Variants in CSMD3 observed in about 807,000 individuals in gnomAD.
CSMD3 encodes CUB and Sushi multiple domains 3.
CSMD3 carries 177 observed loss-of-function variants against 435.2 expected under a neutral mutation model. The ratio of observed to expected loss-of-function variants is 0.41; its 90% CI spans 0.36 to 0.46. The LOEUF is 0.46. CSMD3 is among the 20% of genes least tolerant of loss of function. CSMD3 has a pLI of 0.34. For missense variants in CSMD3, 4,265 were observed against 4,504.6 expected, an observed-to-expected ratio of 0.95 and a Z score of 1.52; for synonymous variants, 1,656 against 1,520.5, an observed-to-expected ratio of 1.09 and a Z score of -2.07.
At chr8:113,021,197 C>A (rs527850147) in intron 5 of CSMD3, among the ~76,000 whole-genome samples, 40 of 151,862 alleles carry the variant, frequency 2.6e-4, no homozygotes, top group African/African-American at 9.2e-4. Context: ...ACTTTTTTTC[C>A]AATCTGAATT....
At chr8:113,175,154 C>T (rs1333952723) in intron 3 of CSMD3, among the ~76,000 whole-genome samples, 2 of 151,556 alleles carry the variant, frequency 1.3e-5, no homozygotes, top group Non-Finnish European at 3.0e-5. Flanking sequence ...TATTAAAATA[C>T]AAAATGGTTC....
intron 1 of CSMD3, among the ~76,000 whole-genome samples, chr8:113,324,663 T>C (rs1329625278): frequency 6.6e-6 from 1 of 151,570 alleles, no homozygotes; most frequent in African/African-American, 2.4e-5. Flanking sequence ...GGTGTCGGAG[T>C]CCCCACACAG....
rs142526825 is a variant in CSMD3 at position 112,651,009 on chromosome 8, T to C, written c.3005-660A>G. On this transcript the variant is annotated intron_variant, in intron 18 of 70. Coordinates refer to ENST00000297405, the MANE Select transcript of CSMD3 (RefSeq NM_198123.2). ...TTCTGTGTTGTGGGTGTCCTGTGCA[T>C]TGGAGTACTTTTAGAAACATTCCTG... Among the ~76,000 whole-genome samples, 286 of 152,288 alleles carry C rather than the reference T, an allele frequency of 1.9e-3. 1 individual carries two copies. Among genetic ancestry groups the C allele is most frequent in the African/African-American group, 6.8e-3 (282 of 41,572 alleles).
At chr8:113,341,623 T>A (rs945827463) in intron 1 of CSMD3, among the ~76,000 whole-genome samples, 1 of 152,088 alleles carries the variant, frequency 6.6e-6, no homozygotes, top group African/African-American at 2.4e-5. Context: ...TGAAAGGCTG[T>A]TTAAAATATG....
At chr8:112,376,479 C>T (rs1332784409) in intron 38 of CSMD3, among the ~76,000 whole-genome samples, 4 of 152,078 alleles carry the variant, frequency 2.6e-5, no homozygotes, top group Non-Finnish European at 4.4e-5. Flanking sequence ...CTTGCACATG[C>T]TTATCAATTG....
At position 112,233,886 on chromosome 8, in the gene CSMD3, T is replaced by C. The variant is rs574561292; in HGVS notation, c.10740+479A>G. Among the ~76,000 whole-genome samples the C allele has an allele frequency of 2.6e-5, 4 of 152,252 alleles. No individual in the cohort carries two copies. The South Asian group carries it at 6.2e-4, about 24-fold the overall frequency. ...AGTTCCTTTTCATGGACTTTATATA[T>C]AAAATAGTCTAAATTCATGCTTCAA... On this transcript the variant is annotated intron_variant, in intron 68 of 70. Coordinates refer to ENST00000297405, the MANE Select transcript of CSMD3 (RefSeq NM_198123.2).
intron 8 of CSMD3, among the ~76,000 whole-genome samples, chr8:112,949,613 A>G (rs878971423): frequency 1.3e-5 from 2 of 152,012 alleles, no homozygotes; most frequent in Admixed American, 1.3e-4. Flanking sequence ...TTGTCATCTA[A>G]TCTATCTACT....
chr8:112,433,190 C>T (rs1205285667), intron 32 of CSMD3, among the ~76,000 whole-genome samples: 2 of 152,036 alleles, frequency 1.3e-5, no homozygotes, highest in African/African-American at 2.4e-5. Flanking sequence ...ACAGTAGGCT[C>T]ATATTCTGAA....
At chr8:112,226,501 T>C (rs758221740) in intron 70 of CSMD3, among the ~76,000 whole-genome samples, 3 of 152,246 alleles carry the variant, frequency 2.0e-5, no homozygotes, top group East Asian at 1.9e-4. Flanking sequence ...GGCCTTGAAT[T>C]TGGCAATGGT....
At chr8:113,028,611 A>G (rs943866585) in intron 5 of CSMD3, among the ~76,000 whole-genome samples, 6 of 151,534 alleles carry the variant, frequency 4.0e-5, no homozygotes, top group Non-Finnish European at 5.9e-5. Context: ...AAAGCAAAAC[A>G]ATCTTTTTTG....
chr8:112,910,022 T>C (rs549985769), intron 10 of CSMD3, among the ~76,000 whole-genome samples: 2 of 151,884 alleles, frequency 1.3e-5, no homozygotes, highest in African/African-American at 4.8e-5. Context: ...TTACGGTTCA[T>C]GAATAAGGGA....
At position 112,351,193 on chromosome 8, in the gene CSMD3, G is replaced by A. The variant is rs2131054196; in HGVS notation, c.6307C>T (p.Pro2103Ser). ...MPGPVRRWNY[P>S]IPICLAQCGG... ...AACTTACCTAAACAAATTGGGATTG[G>A]ATAATTCCATCTTCTTACAGGTCCT... The change falls in exon 40 of 71, where the codon CCA becomes TCA. Residue 2103 changes from proline (P) to serine (S), a missense_variant. Pro to Ser is a moderately conservative substitution (Grantham distance 74, BLOSUM62 -1). Coordinates refer to ENST00000297405, the MANE Select transcript of CSMD3 (RefSeq NM_198123.2). 6.2e-7 allele frequency: 1 copy of A among 1,604,466 alleles called. No homozygotes were observed.
intron 13 of CSMD3, among the ~76,000 whole-genome samples, chr8:112,692,850 T>C (rs2076165810): frequency 6.6e-6 from 1 of 152,172 alleles, no homozygotes; most frequent in Non-Finnish European, 1.5e-5. Context: ...TTATAATTCT[T>C]CTATTTTATT....
intron 2 of CSMD3, among the ~76,000 whole-genome samples, chr8:113,305,920 G>A (rs536792735): frequency 3.1e-4 from 47 of 152,142 alleles, no homozygotes; most frequent in African/African-American, 1.0e-3. Flanking sequence ...TTAGGTAGGG[G>A]GATACTAAAC....
chr8:113,092,869 T>C (rs2090049611), intron 5 of CSMD3, among the ~76,000 whole-genome samples: 1 of 152,066 alleles, frequency 6.6e-6, no homozygotes. Context: ...ACAACTTGTG[T>C]CTTGTTTTAG....
chr8:113,159,319 G>T (rs1277505469), intron 4 of CSMD3, among the ~76,000 whole-genome samples: 1 of 151,806 alleles, frequency 6.6e-6, no homozygotes, highest in Non-Finnish European at 1.5e-5. Flanking sequence ...ATATGTGTTT[G>T]TGCCAATATT....
intron 3 of CSMD3, among the ~76,000 whole-genome samples, chr8:113,199,530 T>A (rs1453035262): frequency 6.6e-6 from 1 of 151,802 alleles, no homozygotes; most frequent in Non-Finnish European, 1.5e-5. Context: ...AACTGCCTTA[T>A]TATTTTTTTA....
intron 27 of CSMD3, among the ~76,000 whole-genome samples, chr8:112,541,234 A>C (rs1431473276): frequency 1.3e-5 from 2 of 151,958 alleles, no homozygotes; most frequent in Non-Finnish European, 2.9e-5. Flanking sequence ...AACTAGAAGA[A>C]CAAAGAAGCT....
intron 5 of CSMD3, among the ~76,000 whole-genome samples, chr8:113,052,785 A>G (rs1238953044): frequency 6.6e-6 from 1 of 152,188 alleles, no homozygotes; most frequent in Non-Finnish European, 1.5e-5. Flanking sequence ...TAAAAAGATA[A>G]TAGTGACCTC....
Sources: gnomAD v4.1 joint callset for allele counts (sites outside exome capture counted in the v4.1 genomes callset) on GRCh38, gnomAD v4.1.1 for gene constraint, MANE v1.5 for transcripts, NCBI Gene and HGNC (gene_info 2026-07-23, HGNC 2026-07-21) for gene names.